Variants in DNAJB4 observed in about 807,000 individuals in gnomAD.
DNAJB4 encodes dnaJ homolog subfamily B member 4.
DNAJB4 carries 10 observed loss-of-function variants against 26.6 expected under a neutral mutation model. That is an observed-to-expected ratio of 0.38 (90% CI 0.23 to 0.64). The LOEUF (loss-of-function observed/expected upper bound fraction) is 0.64. Among genes scored for constraint, DNAJB4 ranks in the 30% least tolerant of loss-of-function variants. The probability of loss-of-function intolerance (pLI) is 0.58; values close to 1 mark genes in which losing one functional copy is unlikely to be tolerated. For missense variants in DNAJB4, 328 were observed against 408.2 expected (o/e 0.80, Z 1.69); for synonymous variants, 136 against 134.8 (o/e 1.01, Z -0.06).
chr1:78,004,314 A>G (rs1022643761), upstream of DNAJB4: 1 of 152,258 alleles, frequency 6.6e-6, no homozygotes, highest in Non-Finnish European at 1.5e-5. Flanking sequence ...TATACTAGAA[A>G]TAACTAGTTA....
At chr1:78,011,083 G>A (rs1660459597) in intron 1 of DNAJB4, among the ~76,000 whole-genome samples, 1 of 152,100 alleles carries the variant, frequency 6.6e-6, no homozygotes, top group African/African-American at 2.4e-5. Flanking sequence ...TTCTTGATCT[G>A]TATTGACCCC....
rs1399210726 is a variant in DNAJB4 at position 78,013,349 on chromosome 1, G to C, written c.510G>C (p.Glu170Asp). ...VIHELRVSLE[E>D]IYSGCTKRMK... ...ATGAACTTAGAGTATCACTTGAAGA[G>C]ATATATAGTGGTTGTACCAAACGGA... The change falls in exon 2 of 3, where the codon GAG (glutamate) becomes GAC (aspartate). Residue 170 changes from glutamate to aspartate, a missense_variant. By Grantham distance (45) the Glu-to-Asp change is conservative (BLOSUM62 2). Coordinates refer to ENST00000370763, the MANE Select transcript of DNAJB4 (RefSeq NM_007034.5). 1 of 1,614,060 alleles carries C rather than the reference G, an allele frequency of 6.2e-7. No individual in the cohort carries two copies. The highest frequency in any genetic ancestry group is 8.5e-7 in the Non-Finnish European group (1 of 1,180,050).
intron 1 of DNAJB4, among the ~76,000 whole-genome samples, chr1:78,008,517 G>A (rs1660387386): frequency 6.6e-6 from 1 of 152,158 alleles, no homozygotes. Flanking sequence ...TTTTATTTAT[G>A]TGAAATGTCT....
upstream of DNAJB4, among the ~76,000 whole-genome samples, chr1:78,003,239 A>AGGTGACTGGATATTAGCATTTTTCACTG (rs1194537099): frequency 1.2e-4 from 19 of 152,140 alleles, no homozygotes; most frequent in Non-Finnish European, 1.5e-4. Context: ...GGGAGTCTTA[A>AGGTGACTGGATATTAGCATTTTTCACTG]GGTGACTGGA....
Position 78,013,197 on chromosome 1 carries a change from A to G in DNAJB4, c.358A>G (p.Arg120Gly). ...CTTTGGAAGACGAATGGGTGGTGGT[A>G]GAGATTCTGAAGAAATGGAAATAGA... ...IFFGRRMGGG[R>G]DSEEMEIDGD... Residue 120 changes from arginine (R) to glycine (G), a missense_variant, in exon 2 of 3, where the codon AGA becomes GGA. By Grantham distance (125) the Arg-to-Gly change is moderately radical (BLOSUM62 -2). Transcript: ENST00000370763. 1.2e-6 allele frequency: 2 copies of G among 1,614,204 alleles called. No individual in the cohort carries two copies. Among genetic ancestry groups the G allele is most frequent in the South Asian group, 1.1e-5 (1 of 91,090 alleles).
At position 78,016,263 on chromosome 1, in the gene DNAJB4, T is replaced by A; in HGVS notation, c.*16T>A. On this transcript the variant is annotated 3_prime_UTR_variant, in exon 3 of 3. Coordinates refer to ENST00000370763, the MANE Select transcript of DNAJB4 (RefSeq NM_007034.5). ...TGCCTCATAGAATGAAGAACTTTGTTACACATATTTTGATAAGGCACTGAA... is the reference window on the plus strand; with the variant it reads ...TGCCTCATAGAATGAAGAACTTTGTAACACATATTTTGATAAGGCACTGAA... 4 of 1,600,540 alleles carry A rather than the reference T, an allele frequency of 2.5e-6. No homozygotes were observed. Among genetic ancestry groups the A allele is most frequent in the Non-Finnish European group, 3.4e-6 (4 of 1,170,164 alleles).
upstream of DNAJB4, chr1:78,004,265 C>T (rs1281834849): frequency 6.6e-6 from 1 of 152,248 alleles, no homozygotes; most frequent in Middle Eastern, 3.4e-3. Context: ...ACTAAAATTT[C>T]AAAAATAAGT....
At chr1:77,987,386 C>T (rs764993845) in intron 1 of DNAJB4, among the ~76,000 whole-genome samples, 26 of 152,180 alleles carry the variant, frequency 1.7e-4, no homozygotes, top group Non-Finnish European at 3.1e-4. Flanking sequence ...GCCTCAGCCT[C>T]CTGAGTAGCT....
intron 1 of DNAJB4, chr1:77,980,339 ATGTGTGTGTGTGTGTG>A (rs201096933): frequency 2.1e-4 from 26 of 126,134 alleles, no homozygotes; most frequent in East Asian, 1.1e-3. Flanking sequence ...ATATATATAT[ATGTGTGTGTGTGTGTG>A]TGTGTGTGTG....
intron 1 of DNAJB4, chr1:77,981,060 A>G (rs927679996): frequency 2.0e-5 from 3 of 152,186 alleles, no homozygotes; most frequent in Non-Finnish European, 2.9e-5. Context: ...CTTTTGATCA[A>G]TGTAATTTAC....
chr1:78,006,625 T>C (rs1205191689), intron 1 of DNAJB4, among the ~76,000 whole-genome samples: 1 of 152,184 alleles, frequency 6.6e-6, no homozygotes, highest in Admixed American at 6.5e-5. Flanking sequence ...TGCCCAAAAT[T>C]GAAGTTTATG....
At chr1:77,983,058 G>T (rs535160062) in intron 1 of DNAJB4, among the ~76,000 whole-genome samples, 1 of 152,206 alleles carries the variant, frequency 6.6e-6, no homozygotes, top group Non-Finnish European at 1.5e-5. Context: ...TTGATCATTC[G>T]TGGGTGTTTC....
intron 2 of DNAJB4, among the ~76,000 whole-genome samples, chr1:78,015,550 C>CTTTTTTTTTTTTTTT (rs766899519): frequency 1.7e-5 from 1 of 57,810 alleles, no homozygotes; most frequent in African/African-American, 5.9e-5. Flanking sequence ...TTTCTTTCTT[C>CTTTTTTTTTTTTTTT]TTTTTTTTTT....
Position 77,987,031 on chromosome 1 carries a change from A to T in DNAJB4, c.-32+6709A>T, listed in dbSNP as rs535762567. Among the ~76,000 whole-genome samples, 3 of 152,300 alleles carry T rather than the reference A, an allele frequency of 2.0e-5. No individual in the cohort carries two copies. The East Asian group carries it at 5.8e-4, about 29-fold the overall frequency. On this transcript the variant is annotated intron_variant, in intron 1 of 2. Coordinates refer to the DNAJB4 transcript ENST00000426517. ...CACCCCTGCCACAACTGCCAATCTTATTAACCTTGTCCTGACCAGAGTTGA... is the reference window on the plus strand; with the variant it reads ...CACCCCTGCCACAACTGCCAATCTTTTTAACCTTGTCCTGACCAGAGTTGA...
intron 1 of DNAJB4, among the ~76,000 whole-genome samples, chr1:77,984,578 G>A (rs61778902): frequency 0.011 from 1,738 of 152,038 alleles, 19 homozygotes; most frequent in South Asian, 0.032. Flanking sequence ...TTGTTTCCCT[G>A]GCTAGATTGT....
At chr1:77,980,233 T>C (rs1379681153) in exon 1 of DNAJB4, 1 of 152,080 alleles carries the variant, frequency 6.6e-6, no homozygotes, top group Non-Finnish European at 1.5e-5. Flanking sequence ...CCAAAATAGA[T>C]TTTGTAGCTT....
chr1:78,005,870 C>T (rs572421938), intron 1 of DNAJB4, among the ~76,000 whole-genome samples: 7 of 152,166 alleles, frequency 4.6e-5, no homozygotes, highest in Non-Finnish European at 8.8e-5. Flanking sequence ...AAGCAGAAGG[C>T]GCAGGCATTT....
upstream of DNAJB4, among the ~76,000 whole-genome samples, chr1:78,003,993 A>C (rs552752931): frequency 6.6e-6 from 1 of 152,318 alleles, no homozygotes; most frequent in South Asian, 2.1e-4. Context: ...TAATTAGGGA[A>C]ATGTGTTTTT....
At position 77,995,096 on chromosome 1, in the gene DNAJB4, A is replaced by G. The variant is rs151088519; in HGVS notation, c.-31-9984A>G. ...AAATGTACCTATCTGAATTGAGGTCAAAGTGTAAAATACATGCTGTATTTC... is the reference window on the plus strand; with the variant it reads ...AAATGTACCTATCTGAATTGAGGTCGAAGTGTAAAATACATGCTGTATTTC... On this transcript the variant is annotated intron_variant, in intron 1 of 2. Coordinates refer to the DNAJB4 transcript ENST00000426517. 1.9e-3 allele frequency among the ~76,000 whole-genome samples: 294 copies of G among 152,358 alleles called. 1 individual carries two copies. Among genetic ancestry groups the G allele is most frequent in the African/African-American group, 6.7e-3 (280 of 41,580 alleles).
Sources: allele counts gnomAD v4.1 joint callset (sites outside exome capture counted in the v4.1 genomes callset), GRCh38; gene constraint gnomAD v4.1.1; transcripts MANE v1.5; gene names NCBI Gene and HGNC (gene_info 2026-07-23, HGNC 2026-07-21).